The following EXOC6B variants were observed in gnomAD, a reference collection of about 807,000 sequenced individuals.
EXOC6B encodes exocyst complex component 6B.
In EXOC6B, 54 loss-of-function variants were observed where a neutral mutation model predicts 113.5. The observed-to-expected ratio is 0.48, with a 90% CI of 0.38 to 0.60. The LOEUF (loss-of-function observed/expected upper bound fraction) is 0.60. EXOC6B is among the 20% of genes least tolerant of loss of function. The pLI, the probability that EXOC6B is intolerant of heterozygous loss-of-function variation, is 0.00. For missense variants in EXOC6B, 797 were observed against 977.5 expected, an observed-to-expected ratio of 0.82 and a Z score of 2.46; for synonymous variants, 357 against 339.0, an observed-to-expected ratio of 1.05 and a Z score of -0.58.
chr2:72,756,332 T>C (rs1682411022), intron 1 of EXOC6B, among the ~76,000 whole-genome samples: 1 of 152,214 alleles, frequency 6.6e-6, no homozygotes. Flanking sequence ...CATAGATGTC[T>C]GTAGGGAAAT....
intron 17 of EXOC6B, among the ~76,000 whole-genome samples, chr2:72,468,753 T>C (rs1390979247): frequency 6.6e-6 from 1 of 152,214 alleles, no homozygotes; most frequent in African/African-American, 2.4e-5. Flanking sequence ...CTAACGATGT[T>C]AATTTTTCAA....
At chr2:72,191,624 A>C (rs920191348) in intron 20 of EXOC6B, among the ~76,000 whole-genome samples, 11 of 152,230 alleles carry the variant, frequency 7.2e-5, no homozygotes, top group African/African-American at 2.7e-4. Context: ...TAGCTGGGAA[A>C]GACTAGAAAA....
At chr2:72,619,222 C>G (rs1305044823) in intron 6 of EXOC6B, among the ~76,000 whole-genome samples, 7 of 148,846 alleles carry the variant, frequency 4.7e-5, no homozygotes, top group Non-Finnish European at 1.0e-4. Flanking sequence ...TAAGTTGGAC[C>G]CACTGGATCA....
intron 1 of EXOC6B, among the ~76,000 whole-genome samples, chr2:72,793,660 GA>G (rs1684798028): frequency 6.6e-6 from 1 of 152,196 alleles, no homozygotes; most frequent in Admixed American, 6.5e-5. Context: ...AGAAAATGAT[GA>G]AAAGAACACT....
At chr2:72,611,513 T>C (rs1356201399) in intron 6 of EXOC6B, among the ~76,000 whole-genome samples, 1 of 152,154 alleles carries the variant, frequency 6.6e-6, no homozygotes, top group Non-Finnish European at 1.5e-5. Flanking sequence ...GTAGAAAAAC[T>C]GGTGAAATAC....
intron 16 of EXOC6B, 79 bp from the exon 17 acceptor site, chr2:72,480,829 C>G: frequency 3.6e-6 from 5 of 1,393,546 alleles, no homozygotes; most frequent in Non-Finnish European, 4.9e-6. Context: ...TCTGCCGGTA[C>G]AAAACAAATG....
intron 16 of EXOC6B, among the ~76,000 whole-genome samples, chr2:72,491,425 G>A (rs1558725282): frequency 6.6e-6 from 1 of 152,058 alleles, no homozygotes. Flanking sequence ...ATCCTTGACA[G>A]TGTACATTTT....
chr2:72,370,756 A>C (rs1032448135), intron 19 of EXOC6B, among the ~76,000 whole-genome samples: 7 of 152,028 alleles, frequency 4.6e-5, no homozygotes, highest in African/African-American at 1.7e-4. Flanking sequence ...GCAAATTATC[A>C]CAAGGACAAA....
chr2:72,771,098 T>C (rs751084683), intron 1 of EXOC6B, among the ~76,000 whole-genome samples: 3 of 152,166 alleles, frequency 2.0e-5, no homozygotes, highest in Non-Finnish European at 4.4e-5. Context: ...CTCTGAAAAG[T>C]GGTGACAACT....
intron 20 of EXOC6B, among the ~76,000 whole-genome samples, chr2:72,193,686 T>G (rs1029541786): frequency 9.2e-5 from 14 of 152,022 alleles, no homozygotes; most frequent in Non-Finnish European, 2.9e-5. Context: ...GCCAGGTAGG[T>G]GGTGACTGGT....
chr2:72,237,217 C>G (rs1204299168), intron 20 of EXOC6B, among the ~76,000 whole-genome samples: 1 of 152,134 alleles, frequency 6.6e-6, no homozygotes, highest in Admixed American at 6.5e-5. Context: ...CATTAAACTC[C>G]TGAAGTTCAA....
chr2:72,310,277 T>C (rs1687107610), intron 20 of EXOC6B, among the ~76,000 whole-genome samples: 1 of 152,186 alleles, frequency 6.6e-6, no homozygotes. Flanking sequence ...ATCCAATTTC[T>C]CTACACCTTT....
At chr2:72,723,098 C>T (rs1018495786) in intron 5 of EXOC6B, among the ~76,000 whole-genome samples, 3 of 152,160 alleles carry the variant, frequency 2.0e-5, no homozygotes, top group African/African-American at 7.2e-5. Context: ...CCAACTAACA[C>T]CTGTATAGCA....
intron 19 of EXOC6B, among the ~76,000 whole-genome samples, chr2:72,336,223 T>C (rs1288413368): frequency 2.6e-5 from 4 of 152,194 alleles, no homozygotes; most frequent in African/African-American, 9.6e-5. Flanking sequence ...ACAGAGTTGG[T>C]ATCATATTCT....
intron 8 of EXOC6B, among the ~76,000 whole-genome samples, chr2:72,554,233 G>A (rs1464578283): frequency 1.3e-5 from 2 of 152,140 alleles, no homozygotes; most frequent in East Asian, 1.9e-4. Context: ...AAAAATGGAA[G>A]TCAAGCAGAC....
intron 17 of EXOC6B, among the ~76,000 whole-genome samples, chr2:72,469,376 C>T (rs545816985): frequency 2.6e-4 from 39 of 152,000 alleles, no homozygotes; most frequent in African/African-American, 7.2e-4. Flanking sequence ...TAGTTTCCTA[C>T]GGTGTAAGTA....
rs550234902 is a variant in EXOC6B at position 72,687,007 on chromosome 2, G to A, written c.669+31096C>T. Among the ~76,000 whole-genome samples the A allele has an allele frequency of 5.3e-5, 8 of 151,856 alleles. No homozygotes were observed. In the South Asian group the frequency reaches 1.0e-3, roughly 20 times the overall value. Reference sequence around the variant, plus strand: ...CAAAAAATTAGCCGGGCGTGGTGGCGGGCGCCTGTAGTCCCAGCTACTCGG... The same window carrying A: ...CAAAAAATTAGCCGGGCGTGGTGGCAGGCGCCTGTAGTCCCAGCTACTCGG... On this transcript the variant is annotated intron_variant, in intron 6 of 21. Coordinates refer to ENST00000272427, the MANE Select transcript of EXOC6B (RefSeq NM_015189.3).
chr2:72,446,849 G>A (rs535368540), intron 18 of EXOC6B, among the ~76,000 whole-genome samples: 6 of 152,196 alleles, frequency 3.9e-5, no homozygotes, highest in Non-Finnish European at 8.8e-5. Context: ...AGTGGCTCAC[G>A]CCAGAACTTT....
intron 6 of EXOC6B, among the ~76,000 whole-genome samples, chr2:72,658,945 T>C (rs1674808484): frequency 1.3e-5 from 2 of 152,076 alleles, no homozygotes; most frequent in South Asian, 4.1e-4. Flanking sequence ...GCACGAAATA[T>C]AGTACATTTC....
Sources: allele counts gnomAD v4.1 joint callset (sites outside exome capture counted in the v4.1 genomes callset), GRCh38; gene constraint gnomAD v4.1.1; transcripts MANE v1.5; gene names NCBI Gene and HGNC (gene_info 2026-07-23, HGNC 2026-07-21).